The following RORB variants were observed in gnomAD, a reference collection of about 807,000 sequenced individuals.
RORB encodes the protein nuclear receptor ROR-beta.
A neutral mutation model predicts 59.1 loss-of-function variants in RORB; 6 were observed. The observed-to-expected ratio is 0.10, with a 90% CI of 0.06 to 0.20. RORB has a LOEUF of 0.20. Ranked by LOEUF, RORB falls within the 10% of genes least tolerant of loss-of-function variation. The probability of loss-of-function intolerance (pLI) is 1.00; values close to 1 mark genes in which losing one functional copy is unlikely to be tolerated. For synonymous variants in RORB, 215 were observed against 204.5 expected, an observed-to-expected ratio of 1.05 and a Z score of -0.44; for missense variants, 320 against 560.5, an observed-to-expected ratio of 0.57 and a Z score of 4.33.
chr9:74,681,859 A>C (rs1447728637), intron 9 of RORB, among the ~76,000 whole-genome samples: 1 of 152,226 alleles, frequency 6.6e-6, no homozygotes, highest in Non-Finnish European at 1.5e-5. Context: ...TTAGTAAAAT[A>C]AGCAACTTAC....
intron 3 of RORB, among the ~76,000 whole-genome samples, chr9:74,639,772 G>A (rs763507954): frequency 2.9e-4 from 44 of 152,294 alleles, no homozygotes; most frequent in Non-Finnish European, 5.3e-4. Flanking sequence ...CAAATAAAGA[G>A]CTCTACTTTC....
intron 1 of RORB, among the ~76,000 whole-genome samples, chr9:74,570,679 CTTGA>C (rs1002229582): frequency 1.3e-5 from 2 of 151,982 alleles, no homozygotes; most frequent in Non-Finnish European, 2.9e-5. Context: ...TAGAAGAATT[CTTGA>C]TTAAGACTCA....
chr9:74,635,068 C>A (rs1308143730), intron 3 of RORB, among the ~76,000 whole-genome samples: 7 of 152,152 alleles, frequency 4.6e-5, no homozygotes, highest in African/African-American at 1.7e-4. Flanking sequence ...GGTTTGCCTG[C>A]AAATGAGGGA....
chr9:74,596,010 A>G (rs1446990261), intron 1 of RORB, among the ~76,000 whole-genome samples: 1 of 152,200 alleles, frequency 6.6e-6, no homozygotes, highest in African/African-American at 2.4e-5. Context: ...AGGGAAACTC[A>G]GAGTTTGAGT....
At chr9:74,624,199 A>G (rs1038103831) in intron 1 of RORB, among the ~76,000 whole-genome samples, 1 of 152,216 alleles carries the variant, frequency 6.6e-6, no homozygotes, top group Non-Finnish European at 1.5e-5. Context: ...AAAATAATAT[A>G]AAGCCAAATG....
In RORB at chr9:74,662,382, A is replaced by G. The variant is rs919020466; in HGVS notation, c.760-92A>G. 3.3e-6 allele frequency: 4 copies of G among 1,223,152 alleles called. No homozygotes were observed. In the African/African-American group the frequency reaches 6.0e-5, roughly 18 times the overall value. The allele number at this position is 1,223,152 out of a possible 1,614,324, so 75.8% of individuals were successfully genotyped here. On this transcript the variant is annotated intron_variant, in intron 5 of 9. Coordinates refer to ENST00000376896, the MANE Select transcript of RORB (RefSeq NM_006914.4). ...AAATTCCCTCCTTTGGCCCCAAGTG[A>G]CAGATAAGCACCAGTAAGGCAAACC...
chr9:74,670,488 T>C (rs1329605946), intron 8 of RORB, among the ~76,000 whole-genome samples: 1 of 152,202 alleles, frequency 6.6e-6, no homozygotes, highest in East Asian at 1.9e-4. Context: ...CTGAGCTGTT[T>C]GGCCTTTTTC....
intron 4 of RORB, among the ~76,000 whole-genome samples, chr9:74,649,202 A>G (rs1431332077): frequency 6.6e-6 from 1 of 152,080 alleles, no homozygotes; most frequent in Non-Finnish European, 1.5e-5. Context: ...CACCCGCCTC[A>G]GCCTCCCAAA....
At chr9:74,561,098 T>C (rs1226558043) in intron 1 of RORB, among the ~76,000 whole-genome samples, 1 of 152,196 alleles carries the variant, frequency 6.6e-6, no homozygotes, top group African/African-American at 2.4e-5. Flanking sequence ...CACACTCTTC[T>C]ACATACTCCC....
intron 4 of RORB, among the ~76,000 whole-genome samples, chr9:74,650,875 C>T (rs1463192546): frequency 6.6e-6 from 1 of 152,038 alleles, no homozygotes; most frequent in Non-Finnish European, 1.5e-5. Context: ...ATTAGTTCTT[C>T]CTAAAGGTCA....
intron 1 of RORB, among the ~76,000 whole-genome samples, chr9:74,534,375 G>C (rs1287749116): frequency 1.3e-5 from 2 of 151,996 alleles, no homozygotes; most frequent in African/African-American, 4.8e-5. Flanking sequence ...ACAGCTGAGT[G>C]AATGAACACA....
At position 74,656,460 on chromosome 9, in the gene RORB, G is replaced by C. The variant is rs1009649825; in HGVS notation, c.638-4157G>C. On this transcript the variant is annotated intron_variant, in intron 4 of 9. Transcript: ENST00000376896. Reference sequence around the variant, plus strand: ...TTTCTAAAACAAAAACCAAGGCCGGGCATGGTGGCTCACGCCTGTAATCCC... The same window carrying C: ...TTTCTAAAACAAAAACCAAGGCCGGCCATGGTGGCTCACGCCTGTAATCCC... Among the ~76,000 whole-genome samples, 4 of 152,186 alleles carry C rather than the reference G, an allele frequency of 2.6e-5. No homozygotes were observed. In the East Asian group the frequency reaches 7.7e-4, roughly 29 times the overall value.
chr9:74,619,830 T>G (rs546197872), intron 1 of RORB, among the ~76,000 whole-genome samples: 1 of 152,346 alleles, frequency 6.6e-6, no homozygotes, highest in East Asian at 1.9e-4. Context: ...TCTGTTTATA[T>G]GCTGGATTAC....
chr9:74,674,303 T>C lies in RORB; in HGVS notation c.1224+2402T>C, dbSNP rs1824398136. On this transcript the variant is annotated intron_variant, in intron 9 of 9. Coordinates refer to ENST00000376896, the MANE Select transcript of RORB (RefSeq NM_006914.4). ...CAGTGAGGGCCATTCTGAATATTTG[T>C]TATTCATAGACCCCTTGGGGACTCC... Among the ~76,000 whole-genome samples the C allele has an allele frequency of 3.9e-5, 6 of 152,226 alleles. 1 individual carries two copies. The South Asian group carries it at 1.2e-3, about 32-fold the overall frequency.
chr9:74,517,551 TAAAC>T (rs945266975), intron 1 of RORB, among the ~76,000 whole-genome samples: 12 of 152,206 alleles, frequency 7.9e-5, no homozygotes, highest in African/African-American at 2.4e-4. Context: ...AGGCATTTGA[TAAAC>T]AAACTTATAT....
intron 1 of RORB, among the ~76,000 whole-genome samples, chr9:74,539,998 T>G (rs1334755110): frequency 1.3e-5 from 2 of 152,096 alleles, no homozygotes; most frequent in Non-Finnish European, 2.9e-5. Context: ...AGACTTTTAT[T>G]TGAATGAAAA....
chr9:74,537,886 A>C (rs1826344711), intron 1 of RORB, among the ~76,000 whole-genome samples: 1 of 152,022 alleles, frequency 6.6e-6, no homozygotes, highest in Non-Finnish European at 1.5e-5. Flanking sequence ...CTAAGTGTAA[A>C]GTGTTTAGGA....
chr9:74,655,364 C>T (rs1336514455), intron 4 of RORB, among the ~76,000 whole-genome samples: 1 of 152,186 alleles, frequency 6.6e-6, no homozygotes, highest in Non-Finnish European at 1.5e-5. Context: ...CTTACTATTC[C>T]AGCACAGAGC....
At chr9:74,501,205 A>G (rs1012613671) in intron 1 of RORB, among the ~76,000 whole-genome samples, 3 of 152,348 alleles carry the variant, frequency 2.0e-5, no homozygotes, top group Non-Finnish European at 4.4e-5. Flanking sequence ...GGGGCGGATT[A>G]GAAATCTGGT....
Sources: allele counts gnomAD v4.1 joint callset (sites outside exome capture counted in the v4.1 genomes callset), GRCh38; gene constraint gnomAD v4.1.1; transcripts MANE v1.5; gene names NCBI Gene and HGNC (gene_info 2026-07-23, HGNC 2026-07-21).